The following CIBAR2 variants were observed in gnomAD, a reference collection of about 807,000 sequenced individuals.
CIBAR2 encodes CBY1-interacting BAR domain-containing protein 2.
Under a neutral mutation model 36.2 loss-of-function variants are expected in CIBAR2, and 38 were observed. The observed-to-expected ratio is 1.05, with a 90% CI of 0.81 to 1.38. CIBAR2 has a LOEUF of 1.38. Ranked by LOEUF, CIBAR2 falls within the 40% of genes most tolerant of loss-of-function variation. CIBAR2 has a pLI of 0.00. For missense variants in CIBAR2, 481 were observed against 383.4 expected, an observed-to-expected ratio of 1.25 and a Z score of -2.13; for synonymous variants, 182 against 149.5, an observed-to-expected ratio of 1.22 and a Z score of -1.58.
intron 2 of CIBAR2, among the ~76,000 whole-genome samples, chr16:85,108,372 G>C (rs989031571): frequency 1.3e-5 from 2 of 152,186 alleles, no homozygotes; most frequent in Non-Finnish European, 2.9e-5. Context: ...CACCTACCAG[G>C]GTTTCAGGAC....
chr16:85,098,926 C>A lies in CIBAR2; in HGVS notation c.*259G>T, dbSNP rs1474207360. ...ACCGCCGGGAGCAGTGGGCTCGGAC[C>A]AAGAAATAGATAGCATAAAGAAAAA... On this transcript the variant is annotated 3_prime_UTR_variant, in exon 9 of 9. Coordinates refer to ENST00000539556, the MANE Select transcript of CIBAR2 (RefSeq NM_198491.3). The A allele has an allele frequency of 2.0e-5, 7 of 353,164 alleles. No homozygotes were observed. Among genetic ancestry groups the A allele is most frequent in the Non-Finnish European group, 3.4e-5 (7 of 208,496 alleles). The allele number at this position is 353,164 out of a possible 1,614,324, so 21.9% of individuals were successfully genotyped here.
At position 85,110,429 on chromosome 16, in the gene CIBAR2, C is replaced by A; in HGVS notation, c.52G>T (p.Val18Leu). 1 of 1,609,188 alleles carries A rather than the reference C, an allele frequency of 6.2e-7. No homozygotes were observed. Among genetic ancestry groups the A allele is most frequent in the Non-Finnish European group, 8.5e-7 (1 of 1,177,260 alleles). ...DSQVRVMENT[V>L]ANTEKYFGQF... ...CCAAAGTACTTCTCGGTGTTGGCCA[C>A]GGTATTCTCCATCACCCTCACCTGG... Residue 18 changes from valine to leucine, a missense_variant, in exon 2 of 9, where the codon GTG becomes TTG. Coordinates refer to ENST00000539556, the MANE Select transcript of CIBAR2 (RefSeq NM_198491.3).
At chr16:85,107,156 A>AGG (rs369442682) in intron 5 of CIBAR2, among the ~76,000 whole-genome samples, 14 of 149,556 alleles carry the variant, frequency 9.4e-5, no homozygotes, top group Middle Eastern at 6.9e-3. Context: ...CTCAAAAAAA[A>AGG]GGGGGGGGGC....
At chr16:85,107,341 C>T (rs2074004364) in intron 5 of CIBAR2, among the ~76,000 whole-genome samples, 1 of 152,156 alleles carries the variant, frequency 6.6e-6, no homozygotes, top group African/African-American at 2.4e-5. Context: ...CCACGAGCTC[C>T]CATAACTGTG....
chr16:85,100,083 C>G (rs2073943129), intron 8 of CIBAR2, 56 bp downstream of exon 8: 20 of 1,402,196 alleles, frequency 1.4e-5, no homozygotes, highest in Non-Finnish European at 4.9e-6. Context: ...TACCACGGGC[C>G]TTCCAGGCCG....
intron 2 of CIBAR2, among the ~76,000 whole-genome samples, chr16:85,108,372 G>T (rs989031571): frequency 2.0e-5 from 3 of 152,186 alleles, no homozygotes; most frequent in African/African-American, 4.8e-5. Context: ...CACCTACCAG[G>T]GTTTCAGGAC....
chr16:85,106,702 A>G (rs2073998343), intron 5 of CIBAR2, among the ~76,000 whole-genome samples: 1 of 152,202 alleles, frequency 6.6e-6, no homozygotes, highest in South Asian at 2.1e-4. Flanking sequence ...CAGTGGGCCC[A>G]CGGTGAACCT....
chr16:85,106,847 T>G (rs528362435), intron 5 of CIBAR2, among the ~76,000 whole-genome samples: 1 of 152,306 alleles, frequency 6.6e-6, no homozygotes, highest in African/African-American at 2.4e-5. Flanking sequence ...TGAGGACCGC[T>G]GACTTAGCTC....
At chr16:85,108,435 G>A (rs2144173268) in intron 2 of CIBAR2, among the ~76,000 whole-genome samples, 1 of 152,330 alleles carries the variant, frequency 6.6e-6, no homozygotes, top group Admixed American at 6.5e-5. Flanking sequence ...CACTGAGGAG[G>A]GCAGGACAGG....
chr16:85,099,224 C>G lies in CIBAR2; in HGVS notation c.876G>C (p.Gly292=), dbSNP rs371708902. Residue 292 remains glycine (G), a synonymous_variant, in exon 9 of 9, where the codon GGG becomes GGC. Transcript: ENST00000539556. The part of the protein sequence containing the change: ...VKGQPAHCVC[G]QGGHLMLPGH... The stretch of plus-strand genomic sequence containing the variant: ...CTGGAAGCATGAGATGCCCACCCTG[C>G]CCACACACACAGTGGGCTGGCTGCC... 5.0e-6 allele frequency: 8 copies of G among 1,607,626 alleles called. No individual in the cohort carries two copies. The highest frequency in any genetic ancestry group is 6.8e-6 in the Non-Finnish European group (8 of 1,177,014).
intron 1 of CIBAR2, among the ~76,000 whole-genome samples, chr16:85,111,344 A>G (rs573223192): frequency 7.2e-5 from 11 of 152,334 alleles, no homozygotes; most frequent in African/African-American, 2.4e-4. Flanking sequence ...TCACCATGTG[A>G]AAATGCAGTG....
chr16:85,106,279 T>A (rs920645023), intron 5 of CIBAR2, among the ~76,000 whole-genome samples: 2 of 152,114 alleles, frequency 1.3e-5, no homozygotes, highest in African/African-American at 4.8e-5. Flanking sequence ...GCATCCAGCA[T>A]CCCTGGCCTC....
intron 5 of CIBAR2, among the ~76,000 whole-genome samples, chr16:85,106,813 G>A (rs1007311772): frequency 1.3e-5 from 2 of 152,106 alleles, no homozygotes; most frequent in South Asian, 2.1e-4. Flanking sequence ...CAGAAACATC[G>A]CCAGAGAGTG....
intron 6 of CIBAR2, among the ~76,000 whole-genome samples, chr16:85,104,813 G>T (rs2073982832): frequency 6.6e-6 from 1 of 152,218 alleles, no homozygotes; most frequent in South Asian, 2.1e-4. Context: ...TCTGCGATCA[G>T]CTAGTACCAA....
intron 1 of CIBAR2, 99 bp downstream of exon 1, chr16:85,112,234 C>A: frequency 9.0e-7 from 1 of 1,109,092 alleles, no homozygotes; most frequent in South Asian, 1.3e-5. Flanking sequence ...ACCCCCACCC[C>A]AAGCAGCAGG....
At chr16:85,100,310 G>A in intron 7 of CIBAR2, 70 bp from the exon 8 acceptor site, 1 of 971,474 alleles carries the variant, frequency 1.0e-6, no homozygotes, top group Non-Finnish European at 1.6e-6. Context: ...GAGTGGGATG[G>A]AAAGACGGTG....
At chr16:85,099,650 G>A (rs1436554998) in intron 8 of CIBAR2, among the ~76,000 whole-genome samples, 1 of 150,676 alleles carries the variant, frequency 6.6e-6, no homozygotes, top group Non-Finnish European at 1.5e-5. Context: ...CTGAGACAGA[G>A]TCTCGCTCTG....
In CIBAR2 at chr16:85,098,789, G is replaced by C. The variant is rs771821935; in HGVS notation, c.*396C>G. 3.5e-6 allele frequency: 1 copy of C among 284,358 alleles called. No individual in the cohort carries two copies. Among genetic ancestry groups the C allele is most frequent in the Non-Finnish European group, 5.3e-6 (1 of 188,564 alleles). The allele number at this position is 284,358 out of a possible 1,614,324, so 17.6% of individuals were successfully genotyped here. ...GGCCGGGTTTTCTGTGCTTCGTATA[G>C]ATCTGTTCATCTGATACTCAGCACA... is the stretch of plus-strand genomic sequence containing the variant. On this transcript the variant is annotated 3_prime_UTR_variant, in exon 9 of 9. Transcript: ENST00000539556.
In CIBAR2 at chr16:85,110,704, C is replaced by CTT. The variant is rs746973381; in HGVS notation, c.21-246_21-245dup. Among the ~76,000 whole-genome samples the CTT allele has an allele frequency of 9.6e-5, 9 of 93,880 alleles. 2 individuals are homozygous for CTT. In the South Asian group the frequency reaches 1.4e-3, roughly 14 times the overall value. The allele number at this position is 93,880 out of a possible 152,430, so 61.6% of individuals were successfully genotyped here. A position where few individuals can be genotyped will look rare whatever the true frequency, so the allele number is the denominator to read the frequency against. On this transcript the variant is annotated intron_variant, in intron 1 of 8. Transcript: ENST00000539556. ...ATGCGGGCTTGGCTGCAGACCTGGC[C>CTT]TTTTTTTTTTTTTTTTTGGAGACAG...
Sources: allele counts gnomAD v4.1 joint callset (sites outside exome capture counted in the v4.1 genomes callset), GRCh38; gene constraint gnomAD v4.1.1; transcripts MANE v1.5; gene names NCBI Gene and HGNC (gene_info 2026-07-23, HGNC 2026-07-21).